SP140L: variants seen among roughly 807,000 people sequenced by gnomAD.
The protein encoded by SP140L is SP140 like nuclear body protein, also known as nuclear body protein SP140-like protein.
Under a neutral mutation model 84.3 loss-of-function variants are expected in SP140L, and 64 were observed. The ratio of observed to expected loss-of-function variants is 0.76; its 90% CI spans 0.62 to 0.94. SP140L has a LOEUF of 0.94. Ranked by LOEUF, SP140L falls within the 40% of genes least tolerant of loss-of-function variation. The probability of loss-of-function intolerance (pLI) is 0.00; values close to 1 mark genes in which losing one functional copy is unlikely to be tolerated. For missense variants in SP140L, 628 were observed against 692.5 expected (o/e 0.91, Z 1.05); for synonymous variants, 242 against 236.9 (o/e 1.02, Z -0.20).
At chr2:230,371,424 A>C (rs796267531) in intron 6 of SP140L, among the ~76,000 whole-genome samples, 174 bp from the exon 7 acceptor site, 10 of 152,336 alleles carry the variant, frequency 6.6e-5, no homozygotes, top group African/African-American at 2.2e-4. Flanking sequence ...CCCAGGGCCC[A>C]TCCTAGACTC....
chr2:230,336,940 T>C (rs1411681228), intron 2 of SP140L, among the ~76,000 whole-genome samples: 2 of 152,202 alleles, frequency 1.3e-5, no homozygotes, highest in East Asian at 1.9e-4. Flanking sequence ...CTCTTTTATT[T>C]TGCATTTGCC....
chr2:230,400,849 A>C, intron 15 of SP140L, 106 bp from the exon 16 acceptor site: 1 of 1,564,954 alleles, frequency 6.4e-7, no homozygotes, highest in Non-Finnish European at 8.7e-7. Context: ...CCTCCCTCCC[A>C]TGACTGAGCC....
In SP140L at chr2:230,328,337, C is replaced by T. The variant is rs529988445; in HGVS notation, c.33-420C>T. Among the ~76,000 whole-genome samples the T allele has an allele frequency of 3.4e-4, 52 of 152,266 alleles. 1 individual carries two copies. The South Asian group carries it at 6.8e-3, about 20-fold the overall frequency. On this transcript the variant is annotated intron_variant, in intron 1 of 18. Coordinates refer to ENST00000415673, the MANE Select transcript of SP140L (RefSeq NM_138402.6). ...TCGGCATAACTTTTCTCATATTTTT[C>T]GATGCATTTACGTGTATGAAGTATG...
chr2:230,398,587 A>G (rs1326492945), intron 14 of SP140L, among the ~76,000 whole-genome samples: 1 of 152,236 alleles, frequency 6.6e-6, no homozygotes, highest in East Asian at 1.9e-4. Flanking sequence ...CAGCCAAAAA[A>G]CTGTGAGTTC....
intron 7 of SP140L, among the ~76,000 whole-genome samples, chr2:230,376,267 G>T (rs1400741828): frequency 6.6e-6 from 1 of 151,904 alleles, no homozygotes; most frequent in African/African-American, 2.4e-5. Flanking sequence ...GAGCAATTAG[G>T]CAAGAAAAAA....
chr2:230,395,803 G>A (rs1019793996), intron 13 of SP140L, among the ~76,000 whole-genome samples: 6 of 152,168 alleles, frequency 3.9e-5, no homozygotes, highest in Non-Finnish European at 5.9e-5. Flanking sequence ...CTCCTGCAAT[G>A]GATATCCAAA....
intron 14 of SP140L, among the ~76,000 whole-genome samples, chr2:230,397,931 G>A (rs1244232125): frequency 6.6e-6 from 1 of 152,096 alleles, no homozygotes. Flanking sequence ...GGAAAAAGAG[G>A]AAAACAGATC....
At position 230,373,849 on chromosome 2, in the gene SP140L, T is replaced by C. The variant is rs548650614; in HGVS notation, c.637+2198T>C. Among the ~76,000 whole-genome samples the C allele has an allele frequency of 2.0e-5, 3 of 152,352 alleles. No homozygotes were observed. In the South Asian group the frequency reaches 6.2e-4, roughly 32 times the overall value. ...TCAATTGGAAACCTTCTGGAAAGGA[T>C]TCACCATTTCACATTGCGATTAAGA... On this transcript the variant is annotated intron_variant, in intron 7 of 18. Transcript: ENST00000415673.
At chr2:230,339,981 G>C (rs1285202563) in intron 2 of SP140L, among the ~76,000 whole-genome samples, 1 of 150,446 alleles carries the variant, frequency 6.6e-6, no homozygotes. Flanking sequence ...ATTTGGGGTG[G>C]AGAGTTCTGT....
intron 2 of SP140L, among the ~76,000 whole-genome samples, chr2:230,354,437 A>C (rs2060455472): frequency 6.6e-6 from 1 of 152,116 alleles, no homozygotes. Flanking sequence ...CGTTTGATAA[A>C]ATTAGTAGTT....
chr2:230,396,330 T>C (rs1480369405), intron 13 of SP140L, among the ~76,000 whole-genome samples: 3 of 152,154 alleles, frequency 2.0e-5, no homozygotes, highest in African/African-American at 7.2e-5. Flanking sequence ...AATAAAACTT[T>C]AGACAAAATA....
chr2:230,384,076 T>A (rs6436929), intron 8 of SP140L, among the ~76,000 whole-genome samples: 107,790 of 152,048 alleles, frequency 0.71, 38,921 homozygotes, highest in South Asian at 0.75. Context: ...AATCAGTGGC[T>A]GTTCATTTAT....
intron 2 of SP140L, among the ~76,000 whole-genome samples, chr2:230,354,851 AAG>A (rs1357571348): frequency 1.5e-3 from 104 of 68,574 alleles, no homozygotes; most frequent in Non-Finnish European, 1.5e-4. Flanking sequence ...AAAGAAAGGA[AAG>A]AAAGAAAGAA....
At position 230,343,486 on chromosome 2, in the gene SP140L, A is replaced by G. The variant is rs530283010; in HGVS notation, c.108-14319A>G. On this transcript the variant is annotated intron_variant, in intron 2 of 18. Transcript: ENST00000415673. ...ATTTTCTTTATCCAGTCTATCATTGATGGGCATTTAGGTGGATTACATGTT... is the reference window on the plus strand; with the variant it reads ...ATTTTCTTTATCCAGTCTATCATTGGTGGGCATTTAGGTGGATTACATGTT... Among the ~76,000 whole-genome samples the G allele has an allele frequency of 1.2e-4, 17 of 147,542 alleles. 1 individual carries two copies. Among genetic ancestry groups the G allele is most frequent in the Non-Finnish European group, 2.5e-4 (17 of 66,682 alleles).
At chr2:230,375,367 G>C (rs1456228813) in intron 7 of SP140L, among the ~76,000 whole-genome samples, 1 of 152,092 alleles carries the variant, frequency 6.6e-6, no homozygotes, top group Non-Finnish European at 1.5e-5. Context: ...ATGAACATGG[G>C]GGTGCAGATA....
intron 2 of SP140L, among the ~76,000 whole-genome samples, chr2:230,357,213 C>T (rs4973316): frequency 0.26 from 39,557 of 151,940 alleles, 6,237 homozygotes; most frequent in East Asian, 0.73. Context: ...CAAAGCAGAA[C>T]CAGATGTTCC....
intron 7 of SP140L, among the ~76,000 whole-genome samples, chr2:230,375,901 CT>C (rs1421005541): frequency 6.6e-6 from 1 of 152,068 alleles, no homozygotes; most frequent in African/African-American, 2.4e-5. Context: ...CTGTACAAAT[CT>C]TTTAGTTTGA....
intron 8 of SP140L, among the ~76,000 whole-genome samples, chr2:230,384,289 C>A (rs1050489620): frequency 3.3e-5 from 5 of 152,180 alleles, no homozygotes; most frequent in African/African-American, 1.2e-4. Flanking sequence ...CTGGAGACAG[C>A]CATCCTCATC....
intron 2 of SP140L, among the ~76,000 whole-genome samples, chr2:230,354,846 AAGG>A (rs2060473196): frequency 8.4e-6 from 1 of 119,178 alleles, no homozygotes; most frequent in African/African-American, 3.3e-5. Context: ...GAAAGAAAGA[AAGG>A]AAAGAAAGAA....
Sources: gnomAD v4.1 joint callset for allele counts (sites outside exome capture counted in the v4.1 genomes callset) on GRCh38, gnomAD v4.1.1 for gene constraint, MANE v1.5 for transcripts, NCBI Gene and HGNC (gene_info 2026-07-23, HGNC 2026-07-21) for gene names.